OPCML: variants seen among roughly 807,000 people sequenced by gnomAD.
The protein encoded by OPCML is opioid-binding protein/cell adhesion molecule.
A neutral mutation model predicts 37.8 loss-of-function variants in OPCML; 13 were observed. The observed-to-expected ratio is 0.34, with a 90% confidence interval of 0.22 to 0.55. The LOEUF is 0.55. Among genes scored for constraint, OPCML ranks in the 20% least tolerant of loss-of-function variants. OPCML has a pLI of 0.91. For synonymous variants in OPCML, 176 were observed against 168.8 expected (o/e 1.04, Z -0.33); for missense variants, 341 against 435.6 (o/e 0.78, Z 1.93).
intron 1 of OPCML, chr11:133,009,346 G>C: frequency 4.3e-6 from 2 of 463,942 alleles, no homozygotes. Context: ...GATGTTCACA[G>C]TCTGTTCAAA....
At chr11:133,466,446 C>A (rs1277124660) in intron 1 of OPCML, among the ~76,000 whole-genome samples, 1 of 152,138 alleles carries the variant, frequency 6.6e-6, no homozygotes. Context: ...GTGACCTTAG[C>A]AAATGGGTAG....
chr11:133,122,011 C>T (rs912324874), intron 1 of OPCML, among the ~76,000 whole-genome samples: 2 of 152,138 alleles, frequency 1.3e-5, no homozygotes, highest in Non-Finnish European at 2.9e-5. Flanking sequence ...TGATGTAGGG[C>T]CTGGTCAAAT....
intron 1 of OPCML, chr11:133,066,500 T>C (rs1948442540): frequency 6.6e-6 from 1 of 152,216 alleles, no homozygotes; most frequent in Non-Finnish European, 1.5e-5. Context: ...ATTTTTATTA[T>C]GCCAGGCGAA....
chr11:133,012,064 C>G lies in OPCML; in HGVS notation c.62-69054G>C, dbSNP rs112778483. Among the ~76,000 whole-genome samples, 606 of 152,268 alleles carry G rather than the reference C, an allele frequency of 4.0e-3. 2 individuals are homozygous for G. The highest frequency in any genetic ancestry group is 0.013 in the African/African-American group (557 of 41,558). On this transcript the variant is annotated intron_variant, in intron 1 of 7. Coordinates refer to ENST00000524381, the MANE Select transcript of OPCML (RefSeq NM_001012393.5). ...ACTCTTGGTCTAAAAAAATGGTTCT[C>G]TACTGGGGACAATTTTACTTAACAG...
Position 132,783,175 on chromosome 11 carries a change from A to G in OPCML, c.147-125856T>C, listed in dbSNP as rs988906879. On this transcript the variant is annotated intron_variant, in intron 2 of 7. Transcript: ENST00000524381. ...TTCCTTTCTAAGTCTCAAAGTCCCTATCTTCTTATGTGAGGCAAGAGAGAG... is the reference window on the plus strand; with the variant it reads ...TTCCTTTCTAAGTCTCAAAGTCCCTGTCTTCTTATGTGAGGCAAGAGAGAG... Among the ~76,000 whole-genome samples the G allele has an allele frequency of 5.3e-5, 8 of 152,010 alleles. No individual in the cohort carries two copies. In the East Asian group the frequency reaches 1.3e-3, roughly 26 times the overall value.
chr11:132,424,206 A>G (rs922613714), intron 7 of OPCML, among the ~76,000 whole-genome samples: 1 of 150,168 alleles, frequency 6.7e-6, no homozygotes, highest in Admixed American at 6.6e-5. Context: ...TGCAAGCTCC[A>G]CCTCCTGGGT....
At chr11:132,900,581 T>C (rs1944022572) in intron 2 of OPCML, among the ~76,000 whole-genome samples, 1 of 152,230 alleles carries the variant, frequency 6.6e-6, no homozygotes, top group South Asian at 2.1e-4. Flanking sequence ...ATATCTTCTA[T>C]TGTTTTAATA....
chr11:133,532,483 G>A lies in OPCML; in HGVS notation c.-159C>T, dbSNP rs1253970635. The A allele has an allele frequency of 3.9e-6, 3 of 769,924 alleles. No individual in the cohort carries two copies. The highest frequency in any genetic ancestry group is 6.5e-6 in the Non-Finnish European group (3 of 463,242). 47.7% of individuals were successfully genotyped at this position (769,924 alleles called of 1,614,324 possible). ...GAGAGAGAGCGCGCGAGAGATGGGA[G>A]CAGGCAGGCAGCGTCTCTGATTTCT... On this transcript the variant is annotated 5_prime_UTR_variant, in exon 1 of 8. Coordinates refer to ENST00000524381, the MANE Select transcript of OPCML (RefSeq NM_001012393.5).
chr11:133,436,999 C>A (rs4937770), intron 1 of OPCML, among the ~76,000 whole-genome samples: 6 of 152,028 alleles, frequency 3.9e-5, no homozygotes, highest in Admixed American at 1.3e-4. Context: ...CTCACACATC[C>A]GCATGAGCCC....
chr11:133,528,873 G>A (rs572714777), intron 1 of OPCML, among the ~76,000 whole-genome samples: 1 of 128,974 alleles, frequency 7.8e-6, no homozygotes, highest in South Asian at 2.9e-4. Flanking sequence ...GATGGGCCAA[G>A]AAGAAGGGGA....
At chr11:133,007,811 G>A (rs930429668) in intron 1 of OPCML, 34 of 985,390 alleles carry the variant, frequency 3.5e-5, no homozygotes, top group African/African-American at 7.0e-5. Flanking sequence ...TCCTTGTGGC[G>A]GGATCACTCA....
intron 1 of OPCML, among the ~76,000 whole-genome samples, chr11:133,353,348 T>A (rs186814017): frequency 1.3e-4 from 20 of 152,178 alleles, no homozygotes; most frequent in South Asian, 1.0e-3. Context: ...TTAGTAGAGA[T>A]GGGGTTTCAC....
At chr11:132,995,821 C>T (rs934299056) in intron 1 of OPCML, among the ~76,000 whole-genome samples, 2 of 152,168 alleles carry the variant, frequency 1.3e-5, no homozygotes, top group African/African-American at 4.8e-5. Context: ...AAAGTATCAG[C>T]TCCAAGATGT....
At chr11:133,038,201 C>T (rs940999854) in intron 1 of OPCML, among the ~76,000 whole-genome samples, 2 of 152,222 alleles carry the variant, frequency 1.3e-5, no homozygotes, top group African/African-American at 2.4e-5. Flanking sequence ...CTGGCCCTGT[C>T]TGTCCCTTCC....
At chr11:133,183,432 T>C (rs984500232) in intron 1 of OPCML, among the ~76,000 whole-genome samples, 7 of 152,222 alleles carry the variant, frequency 4.6e-5, no homozygotes, top group African/African-American at 1.7e-4. Flanking sequence ...ACATTCCTGA[T>C]GGTGGCAGAA....
intron 2 of OPCML, among the ~76,000 whole-genome samples, chr11:132,699,201 T>C (rs193198994): frequency 1.3e-5 from 2 of 152,232 alleles, no homozygotes; most frequent in Admixed American, 1.3e-4. Flanking sequence ...TGTATGTTGA[T>C]TTTTTATCCA....
intron 2 of OPCML, among the ~76,000 whole-genome samples, chr11:132,705,856 G>A (rs1164104983): frequency 6.6e-6 from 1 of 152,042 alleles, no homozygotes; most frequent in African/African-American, 2.4e-5. Flanking sequence ...CACCCAGGAT[G>A]GAGTGCAGTG....
At chr11:133,170,891 G>A (rs1323313050) in intron 1 of OPCML, among the ~76,000 whole-genome samples, 3 of 152,204 alleles carry the variant, frequency 2.0e-5, no homozygotes, top group African/African-American at 7.2e-5. Flanking sequence ...CATGAGCAAA[G>A]AAGTGGTCAG....
intron 1 of OPCML, among the ~76,000 whole-genome samples, chr11:133,257,030 G>A (rs1941332446): frequency 6.6e-6 from 1 of 152,188 alleles, no homozygotes; most frequent in South Asian, 2.1e-4. Flanking sequence ...AAACACTACT[G>A]CCAGGACCAA....
Sources: gnomAD v4.1 joint callset for allele counts (sites outside exome capture counted in the v4.1 genomes callset) on GRCh38, gnomAD v4.1.1 for gene constraint, MANE v1.5 for transcripts, NCBI Gene and HGNC (gene_info 2026-07-23, HGNC 2026-07-21) for gene names.